Variants in SMYD3 observed in about 807,000 individuals in gnomAD.
SMYD3 encodes the protein histone-lysine N-methyltransferase SMYD3.
SMYD3 carries 36 observed loss-of-function variants against 57.7 expected under a neutral mutation model. The observed-to-expected ratio is 0.62, with a 90% confidence interval of 0.48 to 0.82. The LOEUF (loss-of-function observed/expected upper bound fraction) is 0.82. Ranked by LOEUF, SMYD3 falls within the 40% of genes least tolerant of loss-of-function variation. The pLI, the probability that SMYD3 is intolerant of heterozygous loss-of-function variation, is 0.00. For synonymous variants in SMYD3, 211 were observed against 195.0 expected, an observed-to-expected ratio of 1.08 and a Z score of -0.68; for missense variants, 515 against 538.8, an observed-to-expected ratio of 0.96 and a Z score of 0.44.
intron 11 of SMYD3, among the ~76,000 whole-genome samples, chr1:245,752,552 CCTCG>C (rs1172794635): frequency 1.3e-5 from 2 of 152,230 alleles, no homozygotes; most frequent in Admixed American, 6.5e-5. Context: ...AGGCTTCCTT[CCTCG>C]CTCTTTTCTT....
chr1:246,238,289 C>T (rs1260915235), intron 5 of SMYD3, among the ~76,000 whole-genome samples: 1 of 152,098 alleles, frequency 6.6e-6, no homozygotes, highest in Non-Finnish European at 1.5e-5. Context: ...CCTGAGCTTC[C>T]GAAAGTGCTG....
intron 1 of SMYD3, among the ~76,000 whole-genome samples, chr1:246,443,794 C>A (rs1279425471): frequency 1.3e-5 from 2 of 152,176 alleles, no homozygotes; most frequent in African/African-American, 4.8e-5. Flanking sequence ...TGCAACCCTG[C>A]AGCTGTAGAT....
chr1:246,111,114 T>C (rs942942782), intron 5 of SMYD3, among the ~76,000 whole-genome samples: 1 of 151,890 alleles, frequency 6.6e-6, no homozygotes, highest in Non-Finnish European at 1.5e-5. Context: ...ATATATATAG[T>C]ATATGATAGA....
At chr1:245,807,040 G>A (rs187038153) in intron 10 of SMYD3, among the ~76,000 whole-genome samples, 2 of 152,000 alleles carry the variant, frequency 1.3e-5, no homozygotes, top group Non-Finnish European at 2.9e-5. Flanking sequence ...TGTCTTCTGG[G>A]ACCAGTCAAG....
chr1:245,757,597 C>T (rs1000024684), intron 11 of SMYD3, among the ~76,000 whole-genome samples: 6 of 151,996 alleles, frequency 3.9e-5, no homozygotes, highest in African/African-American at 1.4e-4. Context: ...TTTTGAGTTA[C>T]TTTATATGGT....
chr1:246,412,849 ACTC>A (rs1315945265), intron 1 of SMYD3, among the ~76,000 whole-genome samples: 1 of 110,976 alleles, frequency 9.0e-6, no homozygotes, highest in Non-Finnish European at 1.8e-5. Flanking sequence ...CAAGAGTGAG[ACTC>A]CGTCTCAAAA....
intron 5 of SMYD3, among the ~76,000 whole-genome samples, chr1:246,002,272 C>T (rs1171399289): frequency 7.4e-6 from 1 of 134,278 alleles, no homozygotes; most frequent in Non-Finnish European, 1.6e-5. Context: ...GCAAGCTCCG[C>T]CTCCCGGGTT....
At chr1:246,050,226 G>C (rs946532979) in intron 5 of SMYD3, among the ~76,000 whole-genome samples, 1 of 152,180 alleles carries the variant, frequency 6.6e-6, no homozygotes, top group African/African-American at 2.4e-5. Flanking sequence ...CACTGAAGTA[G>C]TAGTGCCAAG....
chr1:245,836,320 G>A (rs1018360263), intron 10 of SMYD3, among the ~76,000 whole-genome samples: 3 of 152,138 alleles, frequency 2.0e-5, no homozygotes, highest in Admixed American at 6.5e-5. Context: ...CTGAAAACCC[G>A]CATCCCTGTG....
At chr1:246,124,780 G>A (rs56800259) in intron 5 of SMYD3, among the ~76,000 whole-genome samples, 12,270 of 152,130 alleles carry the variant, frequency 0.081, 999 homozygotes, top group African/African-American at 0.19. Flanking sequence ...ATACACAGAG[G>A]CCTGGACAGG....
At chr1:245,823,353 TCTCG>T (rs959888251) in intron 10 of SMYD3, among the ~76,000 whole-genome samples, 5 of 64,092 alleles carry the variant, frequency 7.8e-5, no homozygotes, top group Non-Finnish European at 2.1e-4. Flanking sequence ...GCTTGCTCGC[TCTCG>T]CTCTCTCTCT....
intron 5 of SMYD3, among the ~76,000 whole-genome samples, chr1:246,173,914 C>A (rs987586046): frequency 6.6e-6 from 1 of 152,142 alleles, no homozygotes; most frequent in Non-Finnish European, 1.5e-5. Flanking sequence ...TCAAGCTATC[C>A]TCCCACCTCG....
At chr1:246,262,578 A>G (rs2064031181) in intron 5 of SMYD3, among the ~76,000 whole-genome samples, 1 of 152,066 alleles carries the variant, frequency 6.6e-6, no homozygotes, top group African/African-American at 2.4e-5. Context: ...CAGTTAACAT[A>G]TATTTCTTAT....
At chr1:246,114,526 C>T (rs563850342) in intron 5 of SMYD3, among the ~76,000 whole-genome samples, 2 of 152,188 alleles carry the variant, frequency 1.3e-5, no homozygotes, top group Non-Finnish European at 2.9e-5. Context: ...GCACATAACC[C>T]CTCCAGCATG....
At chr1:246,026,438 T>C (rs2059575568) in intron 5 of SMYD3, among the ~76,000 whole-genome samples, 1 of 152,202 alleles carries the variant, frequency 6.6e-6, no homozygotes, top group Non-Finnish European at 1.5e-5. Context: ...GGATCTTGTG[T>C]TTACTAGATA....
chr1:245,896,392 A>AAAAAC (rs2053791052), intron 8 of SMYD3, among the ~76,000 whole-genome samples: 2 of 150,578 alleles, frequency 1.3e-5, no homozygotes, highest in Non-Finnish European at 3.0e-5. Context: ...GCCAAGTCAA[A>AAAAAC]AAAAAAAAAA....
At chr1:245,949,041 G>A (rs1362952454) in intron 5 of SMYD3, among the ~76,000 whole-genome samples, 1 of 152,202 alleles carries the variant, frequency 6.6e-6, no homozygotes, top group Non-Finnish European at 1.5e-5. Flanking sequence ...CCAACTGCAG[G>A]CCTAAGGACC....
chr1:245,793,600 C>T (rs1377927395), intron 10 of SMYD3, among the ~76,000 whole-genome samples: 1 of 151,944 alleles, frequency 6.6e-6, no homozygotes, highest in African/African-American at 2.4e-5. Flanking sequence ...TCAAAACAGG[C>T]CCCTCTTGGT....
At chr1:245,825,562 C>A (rs1032161968) in intron 10 of SMYD3, among the ~76,000 whole-genome samples, 1 of 152,144 alleles carries the variant, frequency 6.6e-6, no homozygotes, top group Admixed American at 6.5e-5. Context: ...CGAGGCCATG[C>A]GTGGCCCTCC....
Sources: allele counts gnomAD v4.1 joint callset (sites outside exome capture counted in the v4.1 genomes callset), GRCh38; gene constraint gnomAD v4.1.1; transcripts MANE v1.5; gene names NCBI Gene and HGNC (gene_info 2026-07-23, HGNC 2026-07-21).